Variants in FAM228B observed in about 807,000 individuals in gnomAD.
FAM228B encodes the protein family with sequence similarity 228 member B, also known as protein FAM228B.
A neutral mutation model predicts 42.6 loss-of-function variants in FAM228B; 38 were observed. That is an observed-to-expected ratio of 0.89 (90% CI 0.69 to 1.17). The LOEUF (loss-of-function observed/expected upper bound fraction) is 1.17, where lower values mean the gene tolerates loss of function less well. FAM228B is among the 50% of genes most tolerant of loss of function. The probability of loss-of-function intolerance (pLI) is 0.00; values close to 1 mark genes in which losing one functional copy is unlikely to be tolerated. For missense variants in FAM228B, 344 were observed against 367.3 expected, an observed-to-expected ratio of 0.94 and a Z score of 0.52; for synonymous variants, 109 against 122.3, an observed-to-expected ratio of 0.89 and a Z score of 0.72.
chr2:24,105,053 A>T (rs998311108), intron 3 of FAM228B, among the ~76,000 whole-genome samples: 1 of 152,222 alleles, frequency 6.6e-6, no homozygotes, highest in Non-Finnish European at 1.5e-5. Context: ...TGCACTGGAA[A>T]CACCCAGACA....
At chr2:24,162,563 C>T (rs773349525) in intron 8 of FAM228B, among the ~76,000 whole-genome samples, 3 of 152,012 alleles carry the variant, frequency 2.0e-5, no homozygotes, top group Admixed American at 6.5e-5. Context: ...CCAGAAATTC[C>T]GCTCCTAGGT....
upstream of FAM228B, chr2:24,076,847 G>A (rs1167421128): frequency 1.8e-5 from 3 of 171,198 alleles, no homozygotes; most frequent in Non-Finnish European, 3.8e-5. Context: ...GCGGTGGGGC[G>A]GGGCCCAGAT....
At chr2:24,096,623 A>G (rs969110141) in intron 3 of FAM228B, 5 of 152,204 alleles carry the variant, frequency 3.3e-5, no homozygotes, top group Non-Finnish European at 5.9e-5. Flanking sequence ...TCCAAGACAA[A>G]TGGGACTATG....
Position 24,169,226 on chromosome 2 carries a change from T to A in FAM228B, c.*15-130T>A. On this transcript the variant is annotated intron_variant, in intron 10 of 10. Coordinates refer to ENST00000615575, the MANE Select transcript of FAM228B (RefSeq NM_001145710.2). The surrounding 1 kb of genome is among the most constrained non-coding windows in gnomAD (Gnocchi z 4.2). ...CTAGGTGGAGACCCTGCCTGAGAGA[T>A]GAGTCACTCGGCTCTGGCAGGACAG... is the stretch of plus-strand genomic sequence containing the variant. 3.1e-6 allele frequency: 1 copy of A among 326,204 alleles called. No individual in the cohort carries two copies. Among genetic ancestry groups the A allele is most frequent in the South Asian group, 2.5e-5 (1 of 40,730 alleles). The allele number at this position is 326,204 out of a possible 1,614,324, so 20.2% of individuals were successfully genotyped here.
chr2:24,082,966 T>C (rs1665073472), intron 2 of FAM228B: 4 of 1,614,130 alleles, frequency 2.5e-6, no homozygotes, highest in East Asian at 2.2e-5. Context: ...CCCTCTGGGA[T>C]AGGCATGAGG....
In FAM228B at chr2:24,139,391, T is replaced by C; in HGVS notation, c.382T>C (p.Tyr128His). ...ATAGGGAAATGCATTTATAGAACAT[T>C]ATGATCCAAAAGAGTATGATCCCTT... The part of the protein sequence containing the change: ...NKKGNAFIEH[Y>H]DPKEYDPFYM... Residue 128 changes from tyrosine (Y) to histidine (H), a missense_variant, in exon 5 of 11, where the codon TAT (tyrosine) becomes CAT (histidine). Tyr to His is a moderately conservative substitution (Grantham distance 83). Transcript: ENST00000615575. The C allele has an allele frequency of 6.5e-7, 1 of 1,545,850 alleles. No individual in the cohort carries two copies. The highest frequency in any genetic ancestry group is 8.8e-7 in the Non-Finnish European group (1 of 1,142,144).
At chr2:24,131,186 T>TA (rs1293027966) in intron 2 of FAM228B, among the ~76,000 whole-genome samples, 3 of 152,214 alleles carry the variant, frequency 2.0e-5, no homozygotes, top group African/African-American at 7.2e-5. Context: ...CATTGGTCTA[T>TA]ATGTCTGTTT....
chr2:24,085,478 G>A (rs1665214815), intron 2 of FAM228B, among the ~76,000 whole-genome samples: 1 of 152,050 alleles, frequency 6.6e-6, no homozygotes, highest in Non-Finnish European at 1.5e-5. Context: ...CTACATATCC[G>A]TAGCACTCCT....
intron 2 of FAM228B, among the ~76,000 whole-genome samples, chr2:24,087,878 G>A (rs949948648): frequency 6.7e-6 from 1 of 149,810 alleles, no homozygotes; most frequent in Non-Finnish European, 1.5e-5. Flanking sequence ...ATAGATGCAC[G>A]CTGCCACGCC....
intron 10 of FAM228B, chr2:24,167,901 G>A: frequency 2.1e-6 from 1 of 468,054 alleles, no homozygotes; most frequent in East Asian, 3.6e-5. Flanking sequence ...TTTTTCTCAT[G>A]GGGCACTTCC....
chr2:24,091,906 A>G (rs1665399194), intron 2 of FAM228B, among the ~76,000 whole-genome samples: 2 of 152,160 alleles, frequency 1.3e-5, no homozygotes, highest in Admixed American at 6.5e-5. Flanking sequence ...GTGGAAGAAC[A>G]AATCCCCCCA....
intron 5 of FAM228B, among the ~76,000 whole-genome samples, chr2:24,144,947 A>G (rs1271648421): frequency 6.6e-6 from 1 of 152,154 alleles, no homozygotes; most frequent in Non-Finnish European, 1.5e-5. Context: ...CACAGCTGGC[A>G]ACCTCCTGCA....
intron 1 of FAM228B, chr2:24,079,112 C>G: frequency 4.2e-6 from 1 of 237,564 alleles, no homozygotes; most frequent in Non-Finnish European, 8.3e-6. Context: ...AAGAGACTTT[C>G]TAGCACACTG....
At chr2:24,115,491 C>T in intron 3 of FAM228B, 1 of 1,127,114 alleles carries the variant, frequency 8.9e-7, no homozygotes, top group South Asian at 1.4e-5. Flanking sequence ...TGCCTTCTGT[C>T]TAGTGTTTTT....
At chr2:24,133,488 G>T (rs1205613586) in intron 2 of FAM228B, among the ~76,000 whole-genome samples, 1 of 152,156 alleles carries the variant, frequency 6.6e-6, no homozygotes, top group Non-Finnish European at 1.5e-5. Flanking sequence ...ATCTGTCCTG[G>T]AAATAAAAGC....
At position 24,094,219 on chromosome 2, in the gene FAM228B, C is replaced by T. The variant is rs138504331; in HGVS notation, c.-209-922C>T. ...TCTCATGTGCCTGGGACTGCAGGCA[C>T]ATGCCACCACACCTGGCTACTTTTT... On this transcript the variant is annotated intron_variant, in intron 2 of 10. Transcript: ENST00000613899. Among the ~76,000 whole-genome samples, 870 of 151,672 alleles carry T rather than the reference C, an allele frequency of 5.7e-3. 3 individuals carry two copies. The highest frequency in any genetic ancestry group is 0.017 in the Middle Eastern group (5 of 292).
chr2:24,099,185 G>A (rs1665559731), intron 3 of FAM228B, among the ~76,000 whole-genome samples: 1 of 152,092 alleles, frequency 6.6e-6, no homozygotes, highest in Admixed American at 6.5e-5. Flanking sequence ...ATACTGAATG[G>A]GGAAAAACTG....
chr2:24,077,791 T>C lies in FAM228B; in HGVS notation c.-290+822T>C. On this transcript the variant is annotated intron_variant, in intron 1 of 10. Transcript: ENST00000613899. The surrounding 1 kb of genome is among the most constrained non-coding windows in gnomAD (Gnocchi z 5.5). ...GACAAGGGAAAGGAGATCATCAGCC[T>C]GGGGAGAGAGCCTCACCCTGCCCTC... 6.3e-7 allele frequency: 1 copy of C among 1,595,150 alleles called. No homozygotes were observed. The highest frequency in any genetic ancestry group is 8.6e-7 in the Non-Finnish European group (1 of 1,168,864).
Position 24,080,674 on chromosome 2 carries a change from C to A in FAM228B, c.-289-202C>A. 1.2e-6 allele frequency: 1 copy of A among 852,482 alleles called. No individual in the cohort carries two copies. The allele number at this position is 852,482 out of a possible 1,614,324, so 52.8% of individuals were successfully genotyped here. A position where few individuals can be genotyped will look rare whatever the true frequency, so the allele number is the denominator to read the frequency against. On this transcript the variant is annotated intron_variant, in intron 1 of 10. Coordinates refer to the FAM228B transcript ENST00000613899. This position sits in a 1 kb window ranked among gnomAD's most constrained non-coding sequence, Gnocchi z 4.7. ...ACTGCCTGTCTCCAGTGGTCAAATA[C>A]CATAGTACTAGAATTTGGCCAGGGC... is the stretch of plus-strand genomic sequence containing the variant.
Sources: gnomAD v4.1 joint callset for allele counts (sites outside exome capture counted in the v4.1 genomes callset) on GRCh38, gnomAD v4.1.1 for gene constraint, Gnocchi (gnomAD v3.1) non-coding constraint, MANE v1.5 for transcripts, NCBI Gene and HGNC (gene_info 2026-07-23, HGNC 2026-07-21) for gene names.